Variants in CFAP46 observed in about 807,000 individuals in gnomAD.
CFAP46 encodes cilia and flagella associated protein 46.
A neutral mutation model predicts 325.7 loss-of-function variants in CFAP46; 245 were observed. The ratio of observed to expected loss-of-function variants is 0.75; its 90% CI spans 0.68 to 0.84. CFAP46 has a LOEUF of 0.84. Among genes scored for constraint, CFAP46 ranks in the 40% least tolerant of loss-of-function variants. CFAP46 has a pLI of 0.00. For synonymous variants in CFAP46, 1,523 were observed against 1,495.9 expected, an observed-to-expected ratio of 1.02 and a Z score of -0.42; for missense variants, 3,346 against 3,543.0, an observed-to-expected ratio of 0.94 and a Z score of 1.41.
chr10:132,830,898 TTTCC>T (rs2134977413), intron 50 of CFAP46, among the ~76,000 whole-genome samples: 1 of 152,360 alleles, frequency 6.6e-6, no homozygotes, highest in South Asian at 2.1e-4. Context: ...CCTTTTCTTC[TTTCC>T]TAACATACAT....
At position 132,899,026 on chromosome 10, in the gene CFAP46, C is replaced by G; in HGVS notation, c.3152G>C (p.Arg1051Thr). 1 of 1,550,632 alleles carries G rather than the reference C, an allele frequency of 6.4e-7. No individual in the cohort carries two copies. The highest frequency in any genetic ancestry group is 8.7e-7 in the Non-Finnish European group (1 of 1,146,992). ...WLPLLSSAVY[R>T]KKAKGALKRL... is the part of the protein sequence containing the mutation. ...CTTCAGGGCACCCTTGGCCTTCTTC[C>G]TGTAGACGGCTGAGGACAGCAGTGG... is the stretch of plus-strand genomic sequence containing the variant. The change falls in exon 24 of 58, where the codon AGG becomes ACG. Residue 1051 changes from arginine (R) to threonine (T), a missense_variant. By Grantham distance (71) the Arg-to-Thr change is moderately conservative. Transcript: ENST00000368586.
intron 22 of CFAP46, among the ~76,000 whole-genome samples, chr10:132,904,065 A>G (rs1849424304): frequency 6.6e-6 from 1 of 152,280 alleles, no homozygotes; most frequent in Non-Finnish European, 1.5e-5. Flanking sequence ...ATGCTATCAT[A>G]AAAGCTACTC....
chr10:132,932,537 T>C (rs572943113), intron 8 of CFAP46, among the ~76,000 whole-genome samples: 2 of 113,058 alleles, frequency 1.8e-5, no homozygotes, highest in African/African-American at 7.9e-5. Context: ...GGCCTGGGTC[T>C]TCCCACGCTC....
At chr10:132,854,201 GT>G (rs1007932646) in intron 39 of CFAP46, among the ~76,000 whole-genome samples, 4 of 151,944 alleles carry the variant, frequency 2.6e-5, no homozygotes, top group African/African-American at 9.7e-5. Context: ...TTTGATAGGT[GT>G]TTTTTTATTC....
At chr10:132,842,963 C>A (rs11146538) in intron 44 of CFAP46, among the ~76,000 whole-genome samples, 12,526 of 152,304 alleles carry the variant, frequency 0.082, 530 homozygotes, top group South Asian at 0.097. Flanking sequence ...AAAGGCCCCA[C>A]CTCTCAATAC....
At chr10:132,814,485 G>T (rs182486567) in intron 53 of CFAP46, 92 bp downstream of exon 53, 6 of 1,463,420 alleles carry the variant, frequency 4.1e-6, no homozygotes, top group Non-Finnish European at 5.6e-6. Flanking sequence ...GAGCCTCGAG[G>T]AGTGGGGCAC....
At chr10:132,937,205 C>A in intron 6 of CFAP46, 150 bp from the exon 7 acceptor site, 1 of 518,980 alleles carries the variant, frequency 1.9e-6, no homozygotes, top group Non-Finnish European at 3.3e-6. Flanking sequence ...AAATGGACTG[C>A]TGATGAATGA....
chr10:132,853,810 T>C (rs991606513), intron 39 of CFAP46, among the ~76,000 whole-genome samples: 4 of 152,164 alleles, frequency 2.6e-5, no homozygotes, highest in East Asian at 1.9e-4. Context: ...AAGTTGTTTG[T>C]AATATGATTC....
chr10:132,848,762 T>G (rs1848485066), intron 41 of CFAP46, among the ~76,000 whole-genome samples: 1 of 152,162 alleles, frequency 6.6e-6, no homozygotes, highest in African/African-American at 2.4e-5. Context: ...CACAGAGAGC[T>G]TTTTTCTTTC....
At chr10:132,923,355 T>C (rs909350407) in intron 11 of CFAP46, among the ~76,000 whole-genome samples, 1 of 116,026 alleles carries the variant, frequency 8.6e-6, no homozygotes, top group Non-Finnish European at 1.7e-5. Context: ...CGAGCAGCCA[T>C]GTGGGGGTGC....
intron 39 of CFAP46, among the ~76,000 whole-genome samples, chr10:132,855,162 T>G (rs1591055954): frequency 1.3e-5 from 1 of 77,814 alleles, no homozygotes; most frequent in African/African-American, 8.4e-5. Flanking sequence ...ATTTCTCCGT[T>G]GCAATTTTAT....
chr10:132,934,080 G>A (rs1382592905), intron 8 of CFAP46, among the ~76,000 whole-genome samples: 3 of 152,194 alleles, frequency 2.0e-5, no homozygotes, highest in Admixed American at 6.6e-5. Flanking sequence ...TACTTGTTAC[G>A]CAGCTGCAGA....
At chr10:132,860,278 C>T (rs774355273) in intron 37 of CFAP46, 139 bp downstream of exon 37, 75 of 628,688 alleles carry the variant, frequency 1.2e-4, no homozygotes, top group Non-Finnish European at 1.7e-4. Context: ...TGGAGCTGCA[C>T]GGAAAGCTGT....
At chr10:132,813,873 GGCTGCAGT>G (rs1847635755) in intron 54 of CFAP46, among the ~76,000 whole-genome samples, 1 of 152,200 alleles carries the variant, frequency 6.6e-6, no homozygotes, top group Non-Finnish European at 1.5e-5. Flanking sequence ...TCTCTGGAGG[GGCTGCAGT>G]GCTGCTGGTG....
At chr10:132,901,887 A>T (rs1172979968) in intron 22 of CFAP46, among the ~76,000 whole-genome samples, 111 of 152,236 alleles carry the variant, frequency 7.3e-4, no homozygotes, top group Non-Finnish European at 2.6e-4. Context: ...TTCTTTTTTT[A>T]ACACTTAAAA....
intron 22 of CFAP46, among the ~76,000 whole-genome samples, chr10:132,900,887 GA>G (rs1849383870): frequency 6.6e-6 from 1 of 152,238 alleles, no homozygotes; most frequent in African/African-American, 2.4e-5. Flanking sequence ...TAGAATCGTA[GA>G]CGTATCCATG....
Position 132,833,463 on chromosome 10 carries a change from G to C in CFAP46, c.7012C>G (p.Leu2338Val), listed in dbSNP as rs377717577. 7 of 1,614,020 alleles carry C rather than the reference G, an allele frequency of 4.3e-6. No individual in the cohort carries two copies. Among genetic ancestry groups the C allele is most frequent in the African/African-American group, 1.3e-5 (1 of 74,918 alleles). The change falls in exon 50 of 58, where the codon CTG (leucine) becomes GTG (valine). Residue 2338 changes from leucine to valine, a missense_variant. Leu to Val is a conservative substitution (Grantham distance 32). Coordinates refer to ENST00000368586, the MANE Select transcript of CFAP46 (RefSeq NM_001200049.3). ...AACACAGAGAGACCTTCCAGTGGCA[G>C]CTCCAGGAGATGTCTGTCTGCGACC... is the stretch of plus-strand genomic sequence containing the variant. ...VLVADRHLLE[L>V]PLEGLSVFDE...
Position 132,920,202 on chromosome 10 carries a change from G to C in CFAP46, c.1607-20C>G. On this transcript the variant is annotated intron_variant, in intron 13 of 57. Coordinates refer to ENST00000368586, the MANE Select transcript of CFAP46 (RefSeq NM_001200049.3). Reference sequence around the variant, plus strand: ...TGGAGACTGAGGGCGGAAATGCAAAGGCAGGTGTTGCAGCTGCTGGCCAAG... The same window carrying C: ...TGGAGACTGAGGGCGGAAATGCAAACGCAGGTGTTGCAGCTGCTGGCCAAG... 1 of 1,519,430 alleles carries C rather than the reference G, an allele frequency of 6.6e-7. No individual in the cohort carries two copies. Among genetic ancestry groups the C allele is most frequent in the Non-Finnish European group, 8.8e-7 (1 of 1,133,198 alleles). The allele number at this position is 1,519,430 out of a possible 1,614,324, so 94.1% of individuals were successfully genotyped here.
At chr10:132,885,378 C>A in intron 26 of CFAP46, 92 bp from the exon 27 acceptor site, 1 of 1,293,190 alleles carries the variant, frequency 7.7e-7, no homozygotes. Context: ...CCTCCACCTC[C>A]AGCTTAAAAA....
Sources: gnomAD v4.1 joint callset for allele counts (sites outside exome capture counted in the v4.1 genomes callset) on GRCh38, gnomAD v4.1.1 for gene constraint, MANE v1.5 for transcripts, NCBI Gene and HGNC (gene_info 2026-07-23, HGNC 2026-07-21) for gene names.